RAP1B: variants seen among roughly 807,000 people sequenced by gnomAD.
RAP1B encodes the protein RAP1B, member of RAS oncogene family.
Under a neutral mutation model 27.5 loss-of-function variants are expected in RAP1B, and 1 was observed. That is an observed-to-expected ratio of 0.04 (90% CI 0.01 to 0.17). RAP1B has a LOEUF of 0.17. Among genes scored for constraint, RAP1B ranks in the 10% least tolerant of loss-of-function variants. RAP1B has a pLI of 1.00. For synonymous variants in RAP1B, 75 were observed against 73.1 expected, an observed-to-expected ratio of 1.03 and a Z score of -0.13; for missense variants, 84 against 214.8, an observed-to-expected ratio of 0.39 and a Z score of 3.81.
intron 1 of RAP1B, among the ~76,000 whole-genome samples, chr12:68,635,475 T>G (rs1872564618): frequency 6.6e-6 from 1 of 152,144 alleles, no homozygotes; most frequent in Non-Finnish European, 1.5e-5. Context: ...CCTCTTTTTT[T>G]GAGACAGAGT....
chr12:68,657,103 C>G lies in RAP1B; in HGVS notation c.471C>G (p.Ile157Met). The G allele has an allele frequency of 4.3e-6, 7 of 1,612,148 alleles. No homozygotes were observed. Among genetic ancestry groups the G allele is most frequent in the Non-Finnish European group, 5.9e-6 (7 of 1,178,702 alleles). ...SAKSKINVNE[I>M]FYDLVRQINR... Reference sequence around the variant, plus strand: ...AAAACAAATTATTGTATTTGCAGATCTTTTATGACCTAGTGCGGCAAATTA... The same window carrying G: ...AAAACAAATTATTGTATTTGCAGATGTTTTATGACCTAGTGCGGCAAATTA... Residue 157 changes from isoleucine (I) to methionine (M), a missense_variant and splice_region_variant, in exon 7 of 8, where the codon ATC becomes ATG. Physicochemically the swap from Ile to Met is conservative, Grantham distance 10. Coordinates refer to ENST00000250559, the MANE Select transcript of RAP1B (RefSeq NM_001010942.3).
In RAP1B at chr12:68,648,763, C is replaced by A. The variant is rs760590956; in HGVS notation, c.39C>A (p.Gly13=). 6.2e-7 allele frequency: 1 copy of A among 1,611,438 alleles called. No homozygotes were observed. Among genetic ancestry groups the A allele is most frequent in the Non-Finnish European group, 8.5e-7 (1 of 1,179,336 alleles). ...EYKLVVLGSG[G]VGKSALTVQF... ...AGCTAGTCGTTCTTGGCTCAGGAGGCGTTGGAAAGTCTGCTTTGGTAAGTC... is the reference window on the plus strand; with the variant it reads ...AGCTAGTCGTTCTTGGCTCAGGAGGAGTTGGAAAGTCTGCTTTGGTAAGTC... Residue 13 remains glycine, a synonymous_variant, in exon 2 of 8, where the codon GGC becomes GGA. Transcript: ENST00000250559.
rs758580175 is a variant in RAP1B at position 68,650,396 on chromosome 12, T to C, written c.58-4T>C. 3.9e-6 allele frequency: 6 copies of C among 1,545,766 alleles called. No individual in the cohort carries two copies. The Admixed American group carries it at 1.3e-4, about 32-fold the overall frequency. On this transcript the variant is annotated splice_region_variant and splice_polypyrimidine_tract_variant and intron_variant, in intron 2 of 7. Transcript: ENST00000250559. The stretch of plus-strand genomic sequence containing the variant: ...GTATAATGGTTTCTTAATTTTTTTT[T>C]CAGACTGTACAATTTGTTCAAGGAA...
intron 1 of RAP1B, among the ~76,000 whole-genome samples, chr12:68,643,331 T>G (rs1347961794): frequency 6.6e-6 from 1 of 152,216 alleles, no homozygotes; most frequent in African/African-American, 2.4e-5. Context: ...AAGTACTAAC[T>G]TAAGTCCTTT....
rs1184064679 is a variant in RAP1B at position 68,669,897 on chromosome 12, G to T, written c.*10648G>T. On this transcript the variant is annotated 3_prime_UTR_variant, in exon 8 of 8. Coordinates refer to ENST00000250559, the MANE Select transcript of RAP1B (RefSeq NM_001010942.3). Reference sequence around the variant, plus strand: ...AGTCCAGAACTAGATTCCAGTATATGACGTTTATACGTGACAAAAATATAT... The same window carrying T: ...AGTCCAGAACTAGATTCCAGTATATTACGTTTATACGTGACAAAAATATAT... The T allele has an allele frequency of 6.6e-6, 1 of 150,724 alleles. No homozygotes were observed. Among genetic ancestry groups the T allele is most frequent in the East Asian group, 1.9e-4 (1 of 5,156 alleles). 9.3% of individuals were successfully genotyped at this position (150,724 alleles called of 1,614,324 possible).
At chr12:68,615,208 TAGAA>T (rs1198060140) in intron 1 of RAP1B, among the ~76,000 whole-genome samples, 1 of 152,198 alleles carries the variant, frequency 6.6e-6, no homozygotes, top group African/African-American at 2.4e-5. Context: ...AGCAGTAATT[TAGAA>T]AGATTTTTTT....
chr12:68,653,798 G>T (rs1306075728), intron 4 of RAP1B, among the ~76,000 whole-genome samples: 2 of 151,966 alleles, frequency 1.3e-5, no homozygotes, highest in Non-Finnish European at 2.9e-5. Context: ...GGGCATGGTG[G>T]TGTGCGCCTG....
At chr12:68,620,055 A>G (rs142507983) in intron 1 of RAP1B, among the ~76,000 whole-genome samples, 103 of 152,118 alleles carry the variant, frequency 6.8e-4, no homozygotes, top group African/African-American at 2.4e-3. Context: ...TGTAAGTTTC[A>G]AGTTTAGTAA....
At chr12:68,619,694 T>G (rs914532626) in intron 1 of RAP1B, among the ~76,000 whole-genome samples, 2 of 152,210 alleles carry the variant, frequency 1.3e-5, no homozygotes, top group East Asian at 1.9e-4. Flanking sequence ...GTTTAATGTC[T>G]TCTTTGATTT....
chr12:68,636,166 T>C (rs2135941053), intron 1 of RAP1B, among the ~76,000 whole-genome samples: 1 of 152,298 alleles, frequency 6.6e-6, no homozygotes, highest in East Asian at 1.9e-4. Flanking sequence ...ATTACAGGCA[T>C]GAGCCATGAC....
chr12:68,655,422 C>T (rs1056042878), intron 5 of RAP1B, among the ~76,000 whole-genome samples: 1 of 151,962 alleles, frequency 6.6e-6, no homozygotes, highest in Non-Finnish European at 1.5e-5. Context: ...TTCTGGACTT[C>T]TGAAACAAGG....
chr12:68,612,860 A>T (rs1369397995), intron 1 of RAP1B, among the ~76,000 whole-genome samples: 1 of 152,028 alleles, frequency 6.6e-6, no homozygotes, highest in Non-Finnish European at 1.5e-5. Flanking sequence ...TTTAATGTGT[A>T]CTACGTTAGG....
chr12:68,646,195 G>C (rs1039537880), intron 1 of RAP1B, among the ~76,000 whole-genome samples: 3 of 152,068 alleles, frequency 2.0e-5, no homozygotes, highest in Non-Finnish European at 2.9e-5. Context: ...TTTATATTCA[G>C]TATTTTAAAA....
At chr12:68,651,662 G>A (rs12312450) in intron 3 of RAP1B, 11,898 of 246,632 alleles carry the variant, frequency 0.048, 897 homozygotes, top group African/African-American at 0.2. Context: ...TGTTGGAACT[G>A]TTGCTGGTTT....
Position 68,665,052 on chromosome 12 carries a change from G to A in RAP1B, c.*5803G>A, listed in dbSNP as rs1407625643. The A allele has an allele frequency of 1.3e-5, 2 of 152,198 alleles. No individual in the cohort carries two copies. The highest frequency in any genetic ancestry group is 2.9e-5 in the Non-Finnish European group (2 of 68,056). The allele number at this position is 152,198 out of a possible 1,614,324, so 9.4% of individuals were successfully genotyped here. Reference sequence around the variant, plus strand: ...GCCTGTAATCCCAGCTGCTTGGGAGGCTGAGGTAGGAGGAACTCTTGAGCT... The same window carrying A: ...GCCTGTAATCCCAGCTGCTTGGGAGACTGAGGTAGGAGGAACTCTTGAGCT... On this transcript the variant is annotated 3_prime_UTR_variant, in exon 8 of 8. Transcript: ENST00000250559.
In RAP1B at chr12:68,648,745, C is replaced by A; in HGVS notation, c.21C>A (p.Val7=). 6.2e-7 allele frequency: 1 copy of A among 1,610,892 alleles called. No homozygotes were observed. The highest frequency in any genetic ancestry group is 8.5e-7 in the Non-Finnish European group (1 of 1,179,246). Residue 7 remains valine, a synonymous_variant, in exon 2 of 8, where the codon GTC becomes GTA. Coordinates refer to ENST00000250559, the MANE Select transcript of RAP1B (RefSeq NM_001010942.3). MREYKL[V]VLGSGGVGKS... ...GCATCATGCGTGAGTATAAGCTAGTCGTTCTTGGCTCAGGAGGCGTTGGAA... is the reference window on the plus strand; with the variant it reads ...GCATCATGCGTGAGTATAAGCTAGTAGTTCTTGGCTCAGGAGGCGTTGGAA...
intron 1 of RAP1B, among the ~76,000 whole-genome samples, chr12:68,641,747 C>A (rs983692769): frequency 1.3e-5 from 2 of 151,032 alleles, no homozygotes; most frequent in African/African-American, 4.9e-5. Context: ...AATACTTATG[C>A]ATTTGAAAAA....
intron 1 of RAP1B, among the ~76,000 whole-genome samples, chr12:68,613,076 T>G (rs898085416): frequency 5.3e-5 from 8 of 152,198 alleles, no homozygotes; most frequent in Middle Eastern, 3.4e-3. Context: ...TTGCTCTGGC[T>G]GGGCGTGGTG....
Position 68,664,226 on chromosome 12 carries a change from G to A in RAP1B, c.*4977G>A, listed in dbSNP as rs975723748. 3.9e-5 allele frequency: 6 copies of A among 152,122 alleles called. No individual in the cohort carries two copies. Among genetic ancestry groups the A allele is most frequent in the African/African-American group, 1.4e-4 (6 of 41,486 alleles). The allele number at this position is 152,122 out of a possible 1,614,324, so 9.4% of individuals were successfully genotyped here. On this transcript the variant is annotated 3_prime_UTR_variant, in exon 8 of 8. Coordinates refer to ENST00000250559, the MANE Select transcript of RAP1B (RefSeq NM_001010942.3). ...CAGTCAGGTTTCAGTTTTTAAATAG[G>A]CAGAGATCAAAAGCCTCTAATGTTT...
Sources: allele counts gnomAD v4.1 joint callset (sites outside exome capture counted in the v4.1 genomes callset), GRCh38; gene constraint gnomAD v4.1.1; transcripts MANE v1.5; gene names NCBI Gene and HGNC (gene_info 2026-07-23, HGNC 2026-07-21).